Variants in OSBP2 observed in about 807,000 individuals in gnomAD.
The protein encoded by OSBP2 is oxysterol-binding protein 2.
Under a neutral mutation model 96.0 loss-of-function variants are expected in OSBP2, and 66 were observed. The observed-to-expected ratio is 0.69, with a 90% confidence interval of 0.56 to 0.84. OSBP2 has a LOEUF of 0.84. Among genes scored for constraint, OSBP2 ranks in the 40% least tolerant of loss-of-function variants. OSBP2 has a pLI of 0.00. For synonymous variants in OSBP2, 525 were observed against 520.9 expected (o/e 1.01, Z -0.11); for missense variants, 1,038 against 1,222.7 (o/e 0.85, Z 2.25).
rs773647723 is a variant in OSBP2, at chr22:30,893,563, C to T, written c.2091C>T (p.Asp697=). 12 of 1,614,064 alleles carry T rather than the reference C, an allele frequency of 7.4e-6. No homozygotes were observed. In the South Asian group the frequency reaches 1.3e-4, roughly 18 times the overall value. Residue 697 remains aspartate, a synonymous_variant, in exon 10 of 14, where the codon GAC becomes GAT. Transcript: ENST00000332585. The part of the protein sequence containing the change: ...HNIIVGKLWI[D]QSGDIEIVNH... Reference sequence around the variant, plus strand: ...TCATCGTGGGCAAGCTCTGGATCGACCAGGTCAGGGGCGCCCTTGGGGAGG... The same window carrying T: ...TCATCGTGGGCAAGCTCTGGATCGATCAGGTCAGGGGCGCCCTTGGGGAGG...
At chr22:30,862,566 G>C (rs971177559) in intron 2 of OSBP2, among the ~76,000 whole-genome samples, 1 of 152,170 alleles carries the variant, frequency 6.6e-6, no homozygotes, top group Non-Finnish European at 1.5e-5. Flanking sequence ...TGTAATCTCA[G>C]CTACTGGGGA....
intron 1 of OSBP2, among the ~76,000 whole-genome samples, chr22:30,723,558 C>T (rs1033689217): frequency 3.3e-5 from 5 of 151,180 alleles, no homozygotes; most frequent in Admixed American, 6.6e-5. Context: ...GGATTACTGG[C>T]GTGTGCCACC....
chr22:30,777,577 C>T (rs1474081051), intron 2 of OSBP2, among the ~76,000 whole-genome samples: 1 of 152,188 alleles, frequency 6.6e-6, no homozygotes, highest in Non-Finnish European at 1.5e-5. Context: ...TGGACTAATA[C>T]AACTACTCTT....
At chr22:30,708,896 T>C (rs1194178141) in intron 1 of OSBP2, among the ~76,000 whole-genome samples, 2 of 151,014 alleles carry the variant, frequency 1.3e-5, no homozygotes, top group East Asian at 2.0e-4. Context: ...AGGTCAGGAG[T>C]TCGAGACCAG....
chr22:30,849,667 TCTC>T (rs890460801), intron 2 of OSBP2, among the ~76,000 whole-genome samples: 7 of 152,202 alleles, frequency 4.6e-5, no homozygotes, highest in African/African-American at 1.2e-4. Context: ...GGGAAAAACT[TCTC>T]CTGTGGTTTA....
chr22:30,822,710 G>T, intron 2 of OSBP2: 2 of 1,525,952 alleles, frequency 1.3e-6, no homozygotes, highest in East Asian at 2.5e-5. Flanking sequence ...TTTAAGAAGG[G>T]TTAGTGCTTG....
At chr22:30,779,131 G>C (rs1369471012) in intron 2 of OSBP2, among the ~76,000 whole-genome samples, 3 of 151,346 alleles carry the variant, frequency 2.0e-5, no homozygotes, top group African/African-American at 7.3e-5. Context: ...GCCCAGGCTG[G>C]AGTGAAGTGG....
intron 1 of OSBP2, among the ~76,000 whole-genome samples, chr22:30,696,894 G>A (rs1327410689): frequency 6.6e-6 from 1 of 151,976 alleles, no homozygotes; most frequent in Non-Finnish European, 1.5e-5. Flanking sequence ...CCTGACCTCA[G>A]GTGATTCGCC....
rs572662550 is a variant in OSBP2 at position 30,802,021 on chromosome 22, A to G, written c.853+60652A>G. On this transcript the variant is annotated intron_variant, in intron 2 of 13. Transcript: ENST00000332585. ...AATGAATGAATGACAGGAGTTTCCTATTTAGTTCCGTGAAGGTAGGGTATC... is the reference window on the plus strand; with the variant it reads ...AATGAATGAATGACAGGAGTTTCCTGTTTAGTTCCGTGAAGGTAGGGTATC... Among the ~76,000 whole-genome samples, 4 of 152,266 alleles carry G rather than the reference A, an allele frequency of 2.6e-5. No homozygotes were observed. In the South Asian group the frequency reaches 6.2e-4, roughly 24 times the overall value.
At chr22:30,767,138 CAAAAAA>C (rs1156950666) in intron 2 of OSBP2, among the ~76,000 whole-genome samples, 40 of 78,454 alleles carry the variant, frequency 5.1e-4, no homozygotes, top group African/African-American at 9.4e-4. Flanking sequence ...ACTAAAAATA[CAAAAAA>C]AAAAAAAAAA....
At chr22:30,898,053 C>T (rs1475072538) in intron 12 of OSBP2, among the ~76,000 whole-genome samples, 4 of 152,014 alleles carry the variant, frequency 2.6e-5, no homozygotes, top group Admixed American at 2.0e-4. Context: ...GAGGCTTTCT[C>T]CTTTGAGTTT....
intron 2 of OSBP2, among the ~76,000 whole-genome samples, chr22:30,807,099 G>C (rs1420385868): frequency 6.6e-6 from 1 of 152,136 alleles, no homozygotes; most frequent in Non-Finnish European, 1.5e-5. Flanking sequence ...TTACCCGTGA[G>C]GTTGCTCTTT....
intron 2 of OSBP2, among the ~76,000 whole-genome samples, chr22:30,818,640 C>G (rs9621105): frequency 0.1 from 15,406 of 152,130 alleles, 860 homozygotes; most frequent in African/African-American, 0.13. Flanking sequence ...ACAACCACAT[C>G]AATATGAATA....
intron 1 of OSBP2, among the ~76,000 whole-genome samples, chr22:30,696,902 G>T (rs980899176): frequency 2.0e-5 from 3 of 151,888 alleles, no homozygotes; most frequent in Admixed American, 6.6e-5. Flanking sequence ...CAGGTGATTC[G>T]CCTGCCTCGG....
chr22:30,799,480 G>T (rs1427497407), intron 2 of OSBP2, among the ~76,000 whole-genome samples: 1 of 152,232 alleles, frequency 6.6e-6, no homozygotes, highest in Non-Finnish European at 1.5e-5. Context: ...GATACTGCAG[G>T]CAGTAGTTAA....
chr22:30,791,948 G>T (rs1398381628), intron 2 of OSBP2, among the ~76,000 whole-genome samples: 6 of 152,120 alleles, frequency 3.9e-5, no homozygotes, highest in Non-Finnish European at 8.8e-5. Flanking sequence ...AATATATAGA[G>T]TCAGAGAGAT....
intron 2 of OSBP2, among the ~76,000 whole-genome samples, chr22:30,777,487 C>T (rs966378875): frequency 2.0e-5 from 3 of 152,202 alleles, no homozygotes; most frequent in Non-Finnish European, 2.9e-5. Context: ...TCCCCAGCCA[C>T]GTGGAGCTGT....
chr22:30,740,749 T>A (rs1293280411), intron 1 of OSBP2, among the ~76,000 whole-genome samples: 1 of 152,134 alleles, frequency 6.6e-6, no homozygotes, highest in African/African-American at 2.4e-5. Context: ...AGTGCTGAGA[T>A]TACAGGTGTG....
chr22:30,806,149 G>A (rs2090925085), intron 2 of OSBP2, among the ~76,000 whole-genome samples: 1 of 152,218 alleles, frequency 6.6e-6, no homozygotes, highest in East Asian at 1.9e-4. Flanking sequence ...CAAATGAAGA[G>A]ACTGAGGCTC....
Sources: allele counts gnomAD v4.1 joint callset (sites outside exome capture counted in the v4.1 genomes callset), GRCh38; gene constraint gnomAD v4.1.1; transcripts MANE v1.5; gene names NCBI Gene and HGNC (gene_info 2026-07-23, HGNC 2026-07-21).